The following CTNND2 variants were observed in gnomAD, a reference collection of about 807,000 sequenced individuals.
CTNND2 encodes the protein catenin delta 2.
In CTNND2, 22 loss-of-function variants were observed where a neutral mutation model predicts 144.4. That is an observed-to-expected ratio of 0.15 (90% CI 0.11 to 0.22). CTNND2 has a LOEUF of 0.22. Among genes scored for constraint, CTNND2 ranks in the 10% least tolerant of loss-of-function variants. The pLI is 1.00. For missense variants in CTNND2, 1,353 were observed against 1,618.8 expected (o/e 0.84, Z 2.82); for synonymous variants, 751 against 695.6 (o/e 1.08, Z -1.25).
At chr5:11,867,933 T>A (rs904317836) in intron 1 of CTNND2, among the ~76,000 whole-genome samples, 2 of 150,952 alleles carry the variant, frequency 1.3e-5, no homozygotes, top group African/African-American at 4.9e-5. Context: ...CTAAGGCACA[T>A]CAGATTGTTT....
intron 3 of CTNND2, among the ~76,000 whole-genome samples, chr5:11,438,184 T>G (rs994298858): frequency 6.6e-6 from 1 of 152,190 alleles, no homozygotes; most frequent in Non-Finnish European, 1.5e-5. Context: ...TTCAAAGGAC[T>G]TTCAATAAGG....
In CTNND2 at chr5:11,226,379, T is replaced by G. The variant is rs147335962; in HGVS notation, c.1761+10312A>C. Among the ~76,000 whole-genome samples, 5 of 152,326 alleles carry G rather than the reference T, an allele frequency of 3.3e-5. No individual in the cohort carries two copies. In the East Asian group the frequency reaches 7.7e-4, roughly 23 times the overall value. ...GCTTTACTGTGTTGTATTTCCTCCA[T>G]AGCCCACATCACCATCTCACCCATG... On this transcript the variant is annotated intron_variant, in intron 10 of 21. Coordinates refer to ENST00000304623, the MANE Select transcript of CTNND2 (RefSeq NM_001332.4).
chr5:11,470,164 G>A (rs548255580), intron 3 of CTNND2, among the ~76,000 whole-genome samples: 10 of 152,234 alleles, frequency 6.6e-5, no homozygotes, highest in African/African-American at 2.4e-4. Context: ...GGCCAGGCAC[G>A]GTGGCTCACA....
chr5:11,725,292 T>C (rs116421721), intron 2 of CTNND2, among the ~76,000 whole-genome samples: 215 of 152,346 alleles, frequency 1.4e-3, no homozygotes, highest in African/African-American at 5.0e-3. Context: ...TCCCTTCCTG[T>C]CACATTTTCT....
intron 2 of CTNND2, among the ~76,000 whole-genome samples, chr5:11,619,826 G>A (rs1780750203): frequency 6.6e-6 from 1 of 152,150 alleles, no homozygotes; most frequent in African/African-American, 2.4e-5. Context: ...AACTACTGGT[G>A]CCATCTGTTG....
intron 8 of CTNND2, among the ~76,000 whole-genome samples, chr5:11,361,564 T>C (rs1403518143): frequency 1.3e-5 from 2 of 152,168 alleles, no homozygotes; most frequent in African/African-American, 2.4e-5. Flanking sequence ...CCGAGCATCA[T>C]AACAGCATCT....
intron 16 of CTNND2, among the ~76,000 whole-genome samples, chr5:11,029,080 C>G (rs867266786): frequency 6.6e-6 from 1 of 152,138 alleles, no homozygotes. Flanking sequence ...CTTCTGTTGA[C>G]GAAAAATTGG....
chr5:11,276,344 G>C (rs1235439713), intron 9 of CTNND2, among the ~76,000 whole-genome samples: 6 of 152,110 alleles, frequency 3.9e-5, no homozygotes, highest in Non-Finnish European at 8.8e-5. Flanking sequence ...ACTGTGTCTG[G>C]GGCATCCCCA....
At chr5:11,497,392 G>GA (rs978256963) in intron 3 of CTNND2, among the ~76,000 whole-genome samples, 2 of 151,716 alleles carry the variant, frequency 1.3e-5, no homozygotes, top group African/African-American at 4.8e-5. Flanking sequence ...AAGGAGTAGG[G>GA]AGCTGTGAGC....
At chr5:11,094,366 T>C (rs909728644) in intron 15 of CTNND2, among the ~76,000 whole-genome samples, 2 of 152,218 alleles carry the variant, frequency 1.3e-5, no homozygotes, top group African/African-American at 4.8e-5. Context: ...ACAGTTTTTC[T>C]TTCTTGCATT....
At chr5:11,377,791 A>C (rs1161705509) in intron 7 of CTNND2, among the ~76,000 whole-genome samples, 1 of 152,206 alleles carries the variant, frequency 6.6e-6, no homozygotes, top group Non-Finnish European at 1.5e-5. Flanking sequence ...CGGGAGTGTT[A>C]AAATTGCACT....
chr5:11,017,888 T>C, intron 18 of CTNND2, 86 bp downstream of exon 18: 1 of 1,014,916 alleles, frequency 9.9e-7, no homozygotes, highest in Non-Finnish European at 1.6e-6. Context: ...ACTGAGGCTG[T>C]GGGAAAGTGC....
chr5:11,440,768 T>C (rs371519388), intron 3 of CTNND2, among the ~76,000 whole-genome samples: 4 of 152,348 alleles, frequency 2.6e-5, no homozygotes, highest in East Asian at 1.9e-4. Flanking sequence ...AAAAATCTAA[T>C]GTATGAAGAA....
intron 1 of CTNND2, among the ~76,000 whole-genome samples, chr5:11,881,372 C>G (rs1560963631): frequency 1.3e-5 from 2 of 151,926 alleles, no homozygotes; most frequent in African/African-American, 4.8e-5. Context: ...AACACTAGAA[C>G]TTATCCCTCA....
At chr5:11,416,742 T>G (rs1045521481) in intron 3 of CTNND2, among the ~76,000 whole-genome samples, 1 of 152,210 alleles carries the variant, frequency 6.6e-6, no homozygotes. Flanking sequence ...AATAGAAACG[T>G]CATTTTTGAA....
intron 3 of CTNND2, among the ~76,000 whole-genome samples, chr5:11,429,011 G>A (rs1763036300): frequency 6.6e-6 from 1 of 151,828 alleles, no homozygotes; most frequent in Non-Finnish European, 1.5e-5. Context: ...ATTTACATAT[G>A]GCCTTCCCCA....
chr5:11,856,582 A>C (rs1795261017), intron 1 of CTNND2, among the ~76,000 whole-genome samples: 1 of 152,190 alleles, frequency 6.6e-6, no homozygotes, highest in Non-Finnish European at 1.5e-5. Flanking sequence ...AGCGGAAGTA[A>C]AAAGTGCAAA....
intron 1 of CTNND2, among the ~76,000 whole-genome samples, chr5:11,846,891 A>G (rs1029571937): frequency 2.6e-5 from 4 of 152,076 alleles, no homozygotes; most frequent in Middle Eastern, 3.4e-3. Context: ...AATCACAATG[A>G]GGTATCACCT....
At chr5:11,583,476 C>T (rs542602262) in intron 2 of CTNND2, among the ~76,000 whole-genome samples, 34 of 152,284 alleles carry the variant, frequency 2.2e-4, no homozygotes, top group African/African-American at 4.3e-4. Flanking sequence ...GTTAAGTACA[C>T]GTGGATACAA....
Sources: gnomAD v4.1 joint callset for allele counts (sites outside exome capture counted in the v4.1 genomes callset) on GRCh38, gnomAD v4.1.1 for gene constraint, MANE v1.5 for transcripts, NCBI Gene and HGNC (gene_info 2026-07-23, HGNC 2026-07-21) for gene names.